GRM7: variants seen among roughly 807,000 people sequenced by gnomAD.
The protein encoded by GRM7 is metabotropic glutamate receptor 7.
Under a neutral mutation model 84.5 loss-of-function variants are expected in GRM7, and 35 were observed. The observed-to-expected ratio is 0.41, with a 90% CI of 0.32 to 0.55. GRM7 has a LOEUF of 0.55. Among genes scored for constraint, GRM7 ranks in the 20% least tolerant of loss-of-function variants. The pLI, the probability that GRM7 is intolerant of heterozygous loss-of-function variation, is 0.19. For missense variants in GRM7, 1,003 were observed against 1,194.6 expected (o/e 0.84, Z 2.36); for synonymous variants, 487 against 455.1 (o/e 1.07, Z -0.89).
chr3:7,162,211 T>C (rs929019654), intron 2 of GRM7, among the ~76,000 whole-genome samples: 30 of 152,194 alleles, frequency 2.0e-4, no homozygotes, highest in African/African-American at 6.7e-4. Flanking sequence ...AAGTCCACAA[T>C]AGAGACCTAA....
At chr3:7,677,206 G>A (rs554247803) in intron 8 of GRM7, among the ~76,000 whole-genome samples, 3 of 144,174 alleles carry the variant, frequency 2.1e-5, no homozygotes, top group East Asian at 4.3e-4. Flanking sequence ...AGGTTGCAGT[G>A]AGCTGAGATC....
At position 7,613,244 on chromosome 3, in the gene GRM7, T is replaced by C. The variant is rs946292026; in HGVS notation, c.2451+33887T>C. Among the ~76,000 whole-genome samples the C allele has an allele frequency of 3.9e-5, 6 of 152,192 alleles. No homozygotes were observed. The South Asian group carries it at 1.0e-3, about 26-fold the overall frequency. On this transcript the variant is annotated intron_variant, in intron 8 of 9. Transcript: ENST00000357716. The stretch of plus-strand genomic sequence containing the variant: ...ATAGTAAACATATAAATAGTGAAAG[T>C]GTTTGGTTTATTTTATCAATAAGAG...
intron 7 of GRM7, among the ~76,000 whole-genome samples, chr3:7,523,286 A>G (rs141048068): frequency 6.6e-6 from 1 of 152,132 alleles, no homozygotes; most frequent in Non-Finnish European, 1.5e-5. Context: ...CAATTGATAT[A>G]CAGAAAAATT....
At chr3:7,338,115 T>TACACACAC (rs141499269) in intron 4 of GRM7, among the ~76,000 whole-genome samples, 3,923 of 146,920 alleles carry the variant, frequency 0.027, 159 homozygotes, top group African/African-American at 0.091. Flanking sequence ...TATATTTATG[T>TACACACAC]ACACACACAC....
At chr3:7,136,357 T>C (rs1413764399) in intron 1 of GRM7, among the ~76,000 whole-genome samples, 3 of 151,896 alleles carry the variant, frequency 2.0e-5, no homozygotes, top group Non-Finnish European at 4.4e-5. Flanking sequence ...CAAATCCTAG[T>C]TATGTCTGGC....
intron 8 of GRM7, chr3:7,606,955 A>G (rs2125075651): frequency 6.6e-6 from 1 of 152,374 alleles, no homozygotes; most frequent in South Asian, 2.1e-4. Flanking sequence ...AACACTTTAT[A>G]TTGCAGATGA....
At chr3:7,654,005 C>T (rs565890886) in intron 8 of GRM7, among the ~76,000 whole-genome samples, 3 of 152,150 alleles carry the variant, frequency 2.0e-5, no homozygotes, top group African/African-American at 4.8e-5. Context: ...AGCACTTTTG[C>T]CTTCTCTCAT....
intron 5 of GRM7, among the ~76,000 whole-genome samples, chr3:7,442,727 G>A (rs539407701): frequency 1.6e-4 from 25 of 152,244 alleles, no homozygotes; most frequent in African/African-American, 5.5e-4. Context: ...TCTGCAATAT[G>A]TGTGCCCCTT....
intron 1 of GRM7, among the ~76,000 whole-genome samples, chr3:6,914,113 C>T (rs372632857): frequency 2.0e-4 from 30 of 152,268 alleles, no homozygotes; most frequent in African/African-American, 6.7e-4. Context: ...AAAATTCCTT[C>T]ATGTTATTCA....
chr3:7,159,018 G>A (rs1472347343), intron 2 of GRM7, among the ~76,000 whole-genome samples: 1 of 152,084 alleles, frequency 6.6e-6, no homozygotes, highest in Non-Finnish European at 1.5e-5. Context: ...AAGACCTAAT[G>A]TAATTATGTT....
At chr3:7,499,424 G>T (rs887971347) in intron 7 of GRM7, among the ~76,000 whole-genome samples, 1 of 152,104 alleles carries the variant, frequency 6.6e-6, no homozygotes, top group Admixed American at 6.6e-5. Flanking sequence ...ACCATCAAAC[G>T]CTGTAATCTA....
intron 5 of GRM7, among the ~76,000 whole-genome samples, chr3:7,435,793 T>C (rs921627155): frequency 2.7e-5 from 4 of 147,634 alleles, no homozygotes; most frequent in East Asian, 2.1e-4. Flanking sequence ...GTTCATGCCA[T>C]TCTCTTTCCT....
chr3:7,103,937 T>A (rs1699212053), intron 1 of GRM7, among the ~76,000 whole-genome samples: 1 of 151,248 alleles, frequency 6.6e-6, no homozygotes, highest in South Asian at 2.1e-4. Flanking sequence ...CAGTTAAGAA[T>A]GTTTGTAGAC....
Position 7,139,024 on chromosome 3 carries a change from C to CTATATATAG in GRM7, c.520-7420_520-7412dup, listed in dbSNP as rs1249433080. Among the ~76,000 whole-genome samples, 9 of 147,440 alleles carry CTATATATAG rather than the reference C, an allele frequency of 6.1e-5. No homozygotes were observed. In the South Asian group the frequency reaches 1.9e-3, roughly 31 times the overall value. The stretch of plus-strand genomic sequence containing the variant: ...ATATTTTTTTAGTTTTTCTATATTA[C>CTATATATAG]TATATATAGTATATATCCTACTTTA... On this transcript the variant is annotated intron_variant, in intron 1 of 9. Coordinates refer to ENST00000357716, the MANE Select transcript of GRM7 (RefSeq NM_000844.4).
At chr3:7,062,499 C>G (rs1697464763) in intron 1 of GRM7, among the ~76,000 whole-genome samples, 1 of 151,634 alleles carries the variant, frequency 6.6e-6, no homozygotes, top group African/African-American at 2.4e-5. Flanking sequence ...ACAATAAATA[C>G]AAATAAATAT....
intron 1 of GRM7, among the ~76,000 whole-genome samples, chr3:6,920,470 G>T (rs966705499): frequency 6.6e-6 from 1 of 151,856 alleles, no homozygotes; most frequent in African/African-American, 2.4e-5. Context: ...CACAAGAATC[G>T]CTGGAACCTG....
intron 4 of GRM7, among the ~76,000 whole-genome samples, chr3:7,374,162 A>G (rs1208676111): frequency 2.6e-5 from 4 of 152,192 alleles, no homozygotes; most frequent in African/African-American, 9.7e-5. Context: ...TTAGTAAGAT[A>G]TAACATGAGT....
At chr3:6,983,796 T>C (rs1247290173) in intron 1 of GRM7, among the ~76,000 whole-genome samples, 2 of 145,762 alleles carry the variant, frequency 1.4e-5, no homozygotes, top group African/African-American at 4.9e-5. Flanking sequence ...AGATGACCTT[T>C]TGTTTTGTTT....
chr3:7,017,306 T>C (rs1324888996), intron 1 of GRM7, among the ~76,000 whole-genome samples: 1 of 152,190 alleles, frequency 6.6e-6, no homozygotes, highest in East Asian at 1.9e-4. Flanking sequence ...AGTTTTAGAT[T>C]GTGCTTTTAA....
Sources: allele counts gnomAD v4.1 joint callset (sites outside exome capture counted in the v4.1 genomes callset), GRCh38; gene constraint gnomAD v4.1.1; transcripts MANE v1.5; gene names NCBI Gene and HGNC (gene_info 2026-07-23, HGNC 2026-07-21).